The following PRDM11 variants were observed in gnomAD, a reference collection of about 807,000 sequenced individuals.
The protein encoded by PRDM11 is PR domain-containing protein 11.
PRDM11 carries 20 observed loss-of-function variants against 97.8 expected under a neutral mutation model. The observed-to-expected ratio is 0.20, with a 90% CI of 0.14 to 0.30. The LOEUF is 0.30. Among genes scored for constraint, PRDM11 ranks in the 10% least tolerant of loss-of-function variants. The pLI is 1.00. For missense variants in PRDM11, 1,139 were observed against 1,555.2 expected (o/e 0.73, Z 4.50); for synonymous variants, 599 against 637.7 (o/e 0.94, Z 0.91).
rs1854304013 is a variant in PRDM11 at position 45,227,466 on chromosome 11, G to A, written c.2841G>A (p.Lys947=). The change falls in exon 8 of 8, where the codon AAG becomes AAA. Residue 947 remains lysine, a synonymous_variant. Transcript: ENST00000683152. The surrounding 1 kb of genome is among the most constrained non-coding windows in gnomAD (Gnocchi z 8.0). ...AGAGCTTCAACGGGATCGCCATGAAGAACCTCAGGGTGGCTGAAGCCAAGT... is the reference window on the plus strand; with the variant it reads ...AGAGCTTCAACGGGATCGCCATGAAAAACCTCAGGGTGGCTGAAGCCAAGT... ...FRESFNGIAM[K]NLRVAEAKFQ... 1 of 1,533,836 alleles carries A rather than the reference G, an allele frequency of 6.5e-7. No individual in the cohort carries two copies. The highest frequency in any genetic ancestry group is 8.7e-7 in the Non-Finnish European group (1 of 1,146,732).
At chr11:45,141,870 C>T (rs1169411632), upstream of PRDM11, among the ~76,000 whole-genome samples, 4 of 152,170 alleles carry the variant, frequency 2.6e-5, no homozygotes, top group Non-Finnish European at 5.9e-5. Flanking sequence ...GCCTTACCTG[C>T]AGGGAGGCCA....
intron 4 of PRDM11, among the ~76,000 whole-genome samples, chr11:45,199,885 C>G (rs1328213017): frequency 2.0e-5 from 3 of 152,210 alleles, no homozygotes; most frequent in Non-Finnish European, 4.4e-5. Flanking sequence ...AGCTTAGACT[C>G]CATGTCCCCA....
chr11:45,132,552 G>A (rs1003980767), intron 1 of PRDM11, among the ~76,000 whole-genome samples: 2 of 152,182 alleles, frequency 1.3e-5, no homozygotes, highest in Non-Finnish European at 2.9e-5. Context: ...CACATCCCCA[G>A]CACTTTGCAA....
intron 1 of PRDM11, among the ~76,000 whole-genome samples, chr11:45,151,674 G>A (rs1851662971): frequency 6.6e-6 from 1 of 152,242 alleles, no homozygotes; most frequent in African/African-American, 2.4e-5. Flanking sequence ...ACAGCAGAAG[G>A]ACGCAAAGGA....
At chr11:45,169,799 AC>A (rs369870867) in intron 1 of PRDM11, among the ~76,000 whole-genome samples, 51 of 152,212 alleles carry the variant, frequency 3.4e-4, no homozygotes, top group Non-Finnish European at 5.7e-4. Context: ...GCTCTTAACC[AC>A]CATTTTCTGC....
intron 4 of PRDM11, among the ~76,000 whole-genome samples, chr11:45,198,711 G>A (rs1853218993): frequency 6.6e-6 from 1 of 152,200 alleles, no homozygotes; most frequent in Non-Finnish European, 1.5e-5. Flanking sequence ...GATTTGCTCA[G>A]AGGCAAAGCT....
At chr11:45,122,202 G>GACACACACACACAC (rs756403475) in intron 1 of PRDM11, among the ~76,000 whole-genome samples, 16 of 145,128 alleles carry the variant, frequency 1.1e-4, no homozygotes, top group African/African-American at 4.0e-4. Context: ...CACACACACA[G>GACACACACACACAC]ACACACACAC....
intron 1 of PRDM11, among the ~76,000 whole-genome samples, chr11:45,179,291 C>G (rs545614969): frequency 6.6e-6 from 1 of 152,234 alleles, no homozygotes; most frequent in Non-Finnish European, 1.5e-5. Flanking sequence ...GTCACTAGCA[C>G]TCATCTTCCT....
chr11:45,222,409 C>T (rs1854145399), intron 6 of PRDM11, among the ~76,000 whole-genome samples: 2 of 152,206 alleles, frequency 1.3e-5, no homozygotes, highest in African/African-American at 4.8e-5. Flanking sequence ...CTGATTGTCC[C>T]ATGAGGAAAG....
chr11:45,140,282 T>C lies in PRDM11; in HGVS notation c.97-41479T>C, dbSNP rs182531545. On this transcript the variant is annotated intron_variant, in intron 1 of 6. Coordinates refer to the PRDM11 transcript ENST00000530656. ...TGACATGTGGAAACTGGTCCCTCAC[T>C]TTACAAATTGAGAGAAAACCAGTGA... Among the ~76,000 whole-genome samples, 14 of 152,310 alleles carry C rather than the reference T, an allele frequency of 9.2e-5. No individual in the cohort carries two copies. The East Asian group carries it at 1.5e-3, about 17-fold the overall frequency.
chr11:45,233,894 C>T lies in PRDM11; in HGVS notation c.*5735C>T, dbSNP rs1854449658. ...CGCGCAGCAGCTGCTGCTGGCTGTACTCAGGACAACGCTGTTCCCCCTCCC... is the reference window on the plus strand; with the variant it reads ...CGCGCAGCAGCTGCTGCTGGCTGTATTCAGGACAACGCTGTTCCCCCTCCC... On this transcript the variant is annotated 3_prime_UTR_variant, in exon 8 of 8. Transcript: ENST00000683152. 6.6e-6 allele frequency: 1 copy of T among 152,424 alleles called. No individual in the cohort carries two copies. The highest frequency in any genetic ancestry group is 2.1e-4 in the South Asian group (1 of 4,840). The allele number at this position is 152,424 out of a possible 1,614,324, so 9.4% of individuals were successfully genotyped here.
intron 5 of PRDM11, among the ~76,000 whole-genome samples, chr11:45,207,555 C>A (rs1853563080): frequency 6.6e-6 from 1 of 152,184 alleles, no homozygotes; most frequent in African/African-American, 2.4e-5. Flanking sequence ...ATTTTCTAGC[C>A]CCAACTGCCA....
chr11:45,195,243 C>T (rs1480755891), intron 4 of PRDM11, among the ~76,000 whole-genome samples: 1 of 152,036 alleles, frequency 6.6e-6, no homozygotes, highest in East Asian at 1.9e-4. Flanking sequence ...TATAATTCAC[C>T]CATTTAAAAT....
Position 45,182,028 on chromosome 11 carries a change from C to T in PRDM11, c.119+143C>T, listed in dbSNP as rs568072340. ...TCCCGGCAGCTCCTGGGCGCAGGCT[C>T]TAGAAAAATCCAAGCAGTGGCCTAG... On this transcript the variant is annotated intron_variant, in intron 2 of 7. Coordinates refer to ENST00000683152, the MANE Select transcript of PRDM11 (RefSeq NM_001384648.1). 129 of 830,688 alleles carry T rather than the reference C, an allele frequency of 1.6e-4. 1 individual carries two copies. The African/African-American group carries it at 1.8e-3, about 12-fold the overall frequency. 51.5% of individuals were successfully genotyped at this position (830,688 alleles called of 1,614,324 possible).
At chr11:45,161,163 A>G (rs1851918489) in intron 1 of PRDM11, among the ~76,000 whole-genome samples, 1 of 152,172 alleles carries the variant, frequency 6.6e-6, no homozygotes, top group African/African-American at 2.4e-5. Context: ...ACTGCTGAGG[A>G]CCGAGTGAGC....
At chr11:45,128,254 T>G (rs927622553) in intron 1 of PRDM11, among the ~76,000 whole-genome samples, 3 of 152,202 alleles carry the variant, frequency 2.0e-5, no homozygotes, top group African/African-American at 7.2e-5. Flanking sequence ...CTGTCACCCC[T>G]TTCTTTGACT....
Position 45,181,894 on chromosome 11 carries a change from C to T in PRDM11, c.119+9C>T. ...GAGTATGGCCAGCCCTGGTGAGGCC[C>T]CTGTGTGGGAACTGGAGAGGGAGAA... is the stretch of plus-strand genomic sequence containing the variant. On this transcript the variant is annotated intron_variant, in intron 2 of 7. Transcript: ENST00000683152. 2 of 1,608,444 alleles carry T rather than the reference C, an allele frequency of 1.2e-6. No individual in the cohort carries two copies. Among genetic ancestry groups the T allele is most frequent in the Admixed American group, 1.7e-5 (1 of 59,682 alleles).
At chr11:45,153,193 C>T (rs973056346) in intron 1 of PRDM11, among the ~76,000 whole-genome samples, 3 of 152,154 alleles carry the variant, frequency 2.0e-5, no homozygotes, top group Admixed American at 6.5e-5. Flanking sequence ...TTCTGAGTAG[C>T]GAGGGGACCC....
intron 1 of PRDM11, among the ~76,000 whole-genome samples, chr11:45,153,125 A>T (rs181840047): frequency 7.9e-5 from 12 of 152,322 alleles, no homozygotes; most frequent in Admixed American, 7.8e-4. Context: ...GTCAGAGCAG[A>T]TGGGTTGGGG....
Sources: gnomAD v4.1 joint callset for allele counts (sites outside exome capture counted in the v4.1 genomes callset) on GRCh38, gnomAD v4.1.1 for gene constraint, Gnocchi (gnomAD v3.1) non-coding constraint, MANE v1.5 for transcripts, NCBI Gene and HGNC (gene_info 2026-07-23, HGNC 2026-07-21) for gene names.